Variants in HEPHL1 observed in about 807,000 individuals in gnomAD.
HEPHL1 encodes hephaestin like 1.
Under a neutral mutation model 122.0 loss-of-function variants are expected in HEPHL1, and 123 were observed. The observed-to-expected ratio is 1.01, with a 90% confidence interval of 0.87 to 1.17. HEPHL1 has a LOEUF of 1.17. HEPHL1 is among the 50% of genes most tolerant of loss of function. The probability of loss-of-function intolerance (pLI) is 0.00; values close to 1 mark genes in which losing one functional copy is unlikely to be tolerated. For missense variants in HEPHL1, 1,452 were observed against 1,430.5 expected (o/e 1.01, Z -0.24); for synonymous variants, 527 against 508.9 (o/e 1.04, Z -0.48).
chr11:94,054,772 C>A (rs1945921679), intron 2 of HEPHL1, among the ~76,000 whole-genome samples: 1 of 152,226 alleles, frequency 6.6e-6, no homozygotes, highest in Admixed American at 6.5e-5. Flanking sequence ...AAATTGGGAC[C>A]TAAAGCCAGT....
intron 2 of HEPHL1, among the ~76,000 whole-genome samples, chr11:94,057,161 T>G (rs1019538379): frequency 1.3e-5 from 2 of 152,166 alleles, no homozygotes; most frequent in African/African-American, 4.8e-5. Context: ...GTCATTTTTG[T>G]CTATCTGATT....
At chr11:94,074,464 T>A (rs1347705203) in intron 8 of HEPHL1, among the ~76,000 whole-genome samples, 1 of 49,282 alleles carries the variant, frequency 2.0e-5, no homozygotes, top group African/African-American at 6.2e-5. Context: ...AGAATGACTG[T>A]GTGTGTGTGT....
In HEPHL1 at chr11:94,070,500, G is replaced by T. The variant is rs1173969508; in HGVS notation, c.1190G>T (p.Gly397Val). 3 of 1,611,146 alleles carry T rather than the reference G, an allele frequency of 1.9e-6. No individual in the cohort carries two copies. Among genetic ancestry groups the T allele is most frequent in the African/African-American group, 1.3e-5 (1 of 74,854 alleles). Residue 397 changes from glycine (G) to valine (V), a missense_variant, in exon 6 of 20, where the codon GGC becomes GTC. Physicochemically the swap from Gly to Val is moderately radical, Grantham distance 109 (BLOSUM62 -3). Transcript: ENST00000315765. ...ATTCTTTGGGATTATGCTCCTCAAG[G>T]CTATAACAAATTCAGTGGTCTTCCT... ...EKILWDYAPQ[G>V]YNKFSGLPLN... is the part of the protein sequence containing the mutation.
chr11:94,043,955 T>A (rs1024046354), intron 1 of HEPHL1, among the ~76,000 whole-genome samples: 1 of 151,952 alleles, frequency 6.6e-6, no homozygotes, highest in Non-Finnish European at 1.5e-5. Flanking sequence ...TGAGAGAGAA[T>A]AAATGCACGG....
chr11:94,039,393 T>C (rs558483335), intron 1 of HEPHL1, among the ~76,000 whole-genome samples: 1 of 152,160 alleles, frequency 6.6e-6, no homozygotes, highest in South Asian at 2.1e-4. Flanking sequence ...TACAGAACTC[T>C]CCACCCCAAA....
intron 9 of HEPHL1, 60 bp from the exon 10 acceptor site, chr11:94,082,358 C>A: frequency 7.7e-7 from 1 of 1,299,292 alleles, no homozygotes; most frequent in Non-Finnish European, 1.1e-6. Context: ...TGAAGGAAAG[C>A]AATTCTGTGA....
intron 2 of HEPHL1, among the ~76,000 whole-genome samples, chr11:94,056,693 C>G (rs1219749627): frequency 6.6e-6 from 1 of 151,876 alleles, no homozygotes; most frequent in African/African-American, 2.4e-5. Context: ...ATCTATCTAT[C>G]TATCTATCTA....
rs191008287 is a variant in HEPHL1 at position 94,082,512 on chromosome 11, A to G, written c.1811A>G (p.His604Arg). 35 of 1,613,516 alleles carry G rather than the reference A, an allele frequency of 2.2e-5. No homozygotes were observed. In the East Asian group the frequency reaches 4.9e-4, roughly 23 times the overall value. Reference protein sequence around the residue: ...FDENIQKFIWHPFSIDKEDKE... With the variant: ...FDENIQKFIWRPFSIDKEDKE... ...GAAAACATTCAGAAGTTTATCTGGC[A>G]TCCCTTCAGCATTGACAAAGAAGAT... is the stretch of plus-strand genomic sequence containing the variant. The change falls in exon 10 of 20, where the codon CAT (histidine) becomes CGT (arginine). Residue 604 changes from histidine to arginine, a missense_variant. Physicochemically the swap from His to Arg is conservative, Grantham distance 29. Coordinates refer to ENST00000315765, the MANE Select transcript of HEPHL1 (RefSeq NM_001098672.2).
chr11:94,080,411 C>T (rs1053489402), intron 9 of HEPHL1, among the ~76,000 whole-genome samples: 6 of 152,168 alleles, frequency 3.9e-5, no homozygotes, highest in Non-Finnish European at 5.9e-5. Context: ...ATGAAAATGT[C>T]AAAAGCAATT....
intron 2 of HEPHL1, among the ~76,000 whole-genome samples, chr11:94,047,701 A>G (rs1361886713): frequency 6.6e-6 from 1 of 152,172 alleles, no homozygotes; most frequent in African/African-American, 2.4e-5. Flanking sequence ...CTTTTCAAAT[A>G]TGGAGAAAAT....
At chr11:94,092,718 G>A (rs1409672017) in intron 12 of HEPHL1, among the ~76,000 whole-genome samples, 1 of 151,994 alleles carries the variant, frequency 6.6e-6, no homozygotes, top group African/African-American at 2.4e-5. Context: ...CAGTGTTAAT[G>A]AGCTCAACAG....
intron 11 of HEPHL1, 36 bp downstream of exon 11, chr11:94,086,225 T>C: frequency 1.3e-6 from 2 of 1,501,932 alleles, no homozygotes; most frequent in Non-Finnish European, 1.8e-6. Context: ...TGACCAGATT[T>C]CTACCTTCAG....
At chr11:94,076,103 C>T (rs1946120533) in intron 9 of HEPHL1, among the ~76,000 whole-genome samples, 1 of 152,192 alleles carries the variant, frequency 6.6e-6, no homozygotes, top group South Asian at 2.1e-4. Context: ...TGTGGCTCCA[C>T]TTCTGGACTC....
intron 1 of HEPHL1, among the ~76,000 whole-genome samples, chr11:94,034,871 A>AG (rs1419357457): frequency 6.6e-6 from 1 of 152,174 alleles, no homozygotes; most frequent in Non-Finnish European, 1.5e-5. Context: ...GTGGAAGGTA[A>AG]GGAAGGGGCT....
chr11:94,055,617 C>T (rs1945930082), intron 2 of HEPHL1: 1 of 372,894 alleles, frequency 2.7e-6, no homozygotes, highest in African/African-American at 2.1e-5. Flanking sequence ...TGATGTACAG[C>T]AGCACACGCT....
chr11:94,038,081 C>G (rs1197095993), intron 1 of HEPHL1, among the ~76,000 whole-genome samples: 3 of 148,490 alleles, frequency 2.0e-5, no homozygotes, highest in African/African-American at 5.0e-5. Context: ...ATGCAGAAGC[C>G]TCAGGAGCCG....
intron 1 of HEPHL1, among the ~76,000 whole-genome samples, chr11:94,022,959 A>G (rs760425504): frequency 2.1e-4 from 32 of 152,238 alleles, no homozygotes; most frequent in Non-Finnish European, 3.1e-4. Flanking sequence ...TTGCCTTTCC[A>G]TAAGATTAAC....
chr11:94,106,496 C>G (rs1289879458), intron 17 of HEPHL1, among the ~76,000 whole-genome samples: 3 of 151,816 alleles, frequency 2.0e-5, no homozygotes, highest in Non-Finnish European at 4.4e-5. Flanking sequence ...GGGGTTTCAC[C>G]ATGTTAGCCA....
Position 94,083,843 on chromosome 11 carries a change from T to C in HEPHL1, c.1867+1275T>C, listed in dbSNP as rs565618447. On this transcript the variant is annotated intron_variant, in intron 10 of 19. Coordinates refer to ENST00000315765, the MANE Select transcript of HEPHL1 (RefSeq NM_001098672.2). ...TGTTTCCAAACTTCTTAGTAGACAA[T>C]ATAAAGGGGAAATTAAGGTGGAAAT... 8.5e-5 allele frequency among the ~76,000 whole-genome samples: 13 copies of C among 152,138 alleles called. No homozygotes were observed. The South Asian group carries it at 2.5e-3, about 29-fold the overall frequency.
Sources: allele counts gnomAD v4.1 joint callset (sites outside exome capture counted in the v4.1 genomes callset), GRCh38; gene constraint gnomAD v4.1.1; transcripts MANE v1.5; gene names NCBI Gene and HGNC (gene_info 2026-07-23, HGNC 2026-07-21).